Variants in RASAL2 observed in about 807,000 individuals in gnomAD.
RASAL2 encodes RAS protein activator like 2, also known as ras GTPase-activating protein nGAP.
A neutral mutation model predicts 128.9 loss-of-function variants in RASAL2; 58 were observed. The ratio of observed to expected loss-of-function variants is 0.45; its 90% CI spans 0.36 to 0.56. The LOEUF (loss-of-function observed/expected upper bound fraction) is 0.56. Among genes scored for constraint, RASAL2 ranks in the 20% least tolerant of loss-of-function variants. The pLI, the probability that RASAL2 is intolerant of heterozygous loss-of-function variation, is 0.00. For missense variants in RASAL2, 1,360 were observed against 1,601.6 expected (o/e 0.85, Z 2.57); for synonymous variants, 561 against 580.8 (o/e 0.97, Z 0.49).
intron 3 of RASAL2, among the ~76,000 whole-genome samples, chr1:178,320,517 C>T (rs1478814142): frequency 6.6e-6 from 1 of 151,726 alleles, no homozygotes; most frequent in East Asian, 1.9e-4. Flanking sequence ...TTAAGCCGGT[C>T]TGAAAAGCGC....
chr1:178,371,767 C>A (rs1671730766), intron 3 of RASAL2, among the ~76,000 whole-genome samples: 1 of 152,138 alleles, frequency 6.6e-6, no homozygotes, highest in Non-Finnish European at 1.5e-5. Context: ...TGAATTTGTT[C>A]TTTTGTCTTT....
intron 3 of RASAL2, among the ~76,000 whole-genome samples, chr1:178,340,383 CATA>C (rs1669807973): frequency 6.6e-6 from 1 of 151,984 alleles, no homozygotes; most frequent in South Asian, 2.1e-4. Context: ...TGAGCACCTG[CATA>C]ATATGTTAGG....
intron 1 of RASAL2, among the ~76,000 whole-genome samples, chr1:178,252,369 G>A (rs951944977): frequency 6.6e-6 from 1 of 152,098 alleles, no homozygotes; most frequent in Admixed American, 6.5e-5. Context: ...AATAGGAGGA[G>A]ATGTAATCTA....
In RASAL2 at chr1:178,375,971, T is replaced by A. The variant is rs528025533; in HGVS notation, c.458-14129T>A. The stretch of plus-strand genomic sequence containing the variant: ...TGTTGATATTCTAAGCATCTGTAGG[T>A]CATCTGCTATCAAGAGCTTGTCAAG... On this transcript the variant is annotated intron_variant, in intron 3 of 17. Coordinates refer to ENST00000367649, the MANE Select transcript of RASAL2 (RefSeq NM_170692.4). Among the ~76,000 whole-genome samples, 15 of 152,174 alleles carry A rather than the reference T, an allele frequency of 9.9e-5. No homozygotes were observed. In the South Asian group the frequency reaches 2.7e-3, roughly 27 times the overall value.
At chr1:178,406,251 G>A (rs960626490) in intron 4 of RASAL2, among the ~76,000 whole-genome samples, 1 of 152,230 alleles carries the variant, frequency 6.6e-6, no homozygotes, top group Non-Finnish European at 1.5e-5. Flanking sequence ...TACCCATACA[G>A]TGGAATAAAA....
chr1:178,167,748 T>A (rs1462419475), intron 1 of RASAL2, among the ~76,000 whole-genome samples: 1 of 152,112 alleles, frequency 6.6e-6, no homozygotes, highest in Non-Finnish European at 1.5e-5. Context: ...TTTTTAAATT[T>A]CTATGCTACA....
chr1:178,358,252 A>G (rs1210635597), intron 3 of RASAL2, among the ~76,000 whole-genome samples: 7 of 150,342 alleles, frequency 4.7e-5, no homozygotes, highest in Non-Finnish European at 8.9e-5. Context: ...AAAAAAAAAA[A>G]AAAAAAAAAA....
Position 178,477,966 on chromosome 1 carries a change from T to A in RASAL2, c.*4727T>A, listed in dbSNP as rs1648793295. The A allele has an allele frequency of 6.6e-6, 1 of 152,216 alleles. No individual in the cohort carries two copies. Among genetic ancestry groups the A allele is most frequent in the Non-Finnish European group, 1.5e-5 (1 of 68,038 alleles). 9.4% of individuals were successfully genotyped at this position (152,216 alleles called of 1,614,324 possible). Reference sequence around the variant, plus strand: ...GAGAGTAGGATCCAGAAATAAGTAGTTTCAGTTCCTGATCAGTTAAGCCTC... The same window carrying A: ...GAGAGTAGGATCCAGAAATAAGTAGATTCAGTTCCTGATCAGTTAAGCCTC... On this transcript the variant is annotated 3_prime_UTR_variant, in exon 18 of 18. Transcript: ENST00000367649.
chr1:178,318,783 G>C (rs1205693096), intron 3 of RASAL2, among the ~76,000 whole-genome samples: 1 of 151,958 alleles, frequency 6.6e-6, no homozygotes, highest in East Asian at 1.9e-4. Flanking sequence ...GGAGCATTTA[G>C]TCCATTTATA....
intron 1 of RASAL2, among the ~76,000 whole-genome samples, chr1:178,227,270 G>A (rs141890907): frequency 6.6e-6 from 1 of 151,480 alleles, no homozygotes; most frequent in Non-Finnish European, 1.5e-5. Context: ...ACAGTTTAGC[G>A]TCTTGTCTTA....
At chr1:178,390,921 C>A (rs1025392574) in intron 4 of RASAL2, among the ~76,000 whole-genome samples, 1 of 151,858 alleles carries the variant, frequency 6.6e-6, no homozygotes, top group East Asian at 1.9e-4. Flanking sequence ...AGAGCTGGAA[C>A]ATAAGCAGAG....
At chr1:178,306,846 A>G (rs1668012748) in intron 3 of RASAL2, among the ~76,000 whole-genome samples, 1 of 117,122 alleles carries the variant, frequency 8.5e-6, no homozygotes, top group Non-Finnish European at 1.6e-5. Context: ...GGGGAACATC[A>G]CACTCTGGGG....
At chr1:178,351,950 T>A (rs1670535331) in intron 3 of RASAL2, among the ~76,000 whole-genome samples, 1 of 152,214 alleles carries the variant, frequency 6.6e-6, no homozygotes, top group African/African-American at 2.4e-5. Flanking sequence ...CAAATCTGAC[T>A]GATTTTCAGT....
chr1:178,202,055 G>A (rs187094278), intron 1 of RASAL2, among the ~76,000 whole-genome samples: 16 of 152,294 alleles, frequency 1.1e-4, no homozygotes, highest in Non-Finnish European at 1.9e-4. Flanking sequence ...AGACATTTCC[G>A]GGACCATTGG....
intron 1 of RASAL2, among the ~76,000 whole-genome samples, chr1:178,111,833 G>A (rs1030479497): frequency 2.0e-5 from 3 of 152,084 alleles, no homozygotes; most frequent in Non-Finnish European, 2.9e-5. Flanking sequence ...GGGTTCAAGC[G>A]ATTCTCCCAC....
intron 4 of RASAL2, among the ~76,000 whole-genome samples, chr1:178,413,833 G>C (rs779265898): frequency 2.6e-5 from 4 of 152,072 alleles, no homozygotes; most frequent in Non-Finnish European, 5.9e-5. Flanking sequence ...GAACCAAAAG[G>C]GAATGCTGGA....
At chr1:178,274,765 C>CT (rs1444018067) in intron 1 of RASAL2, among the ~76,000 whole-genome samples, 8 of 151,910 alleles carry the variant, frequency 5.3e-5, no homozygotes, top group Admixed American at 4.6e-4. Flanking sequence ...TTTTTGTACT[C>CT]TTTTTGTAGA....
At chr1:178,383,469 T>G (rs1170479226) in intron 3 of RASAL2, among the ~76,000 whole-genome samples, 2 of 152,208 alleles carry the variant, frequency 1.3e-5, no homozygotes, top group African/African-American at 4.8e-5. Context: ...GTATGTGATT[T>G]TTCTTCTCTT....
chr1:178,262,018 A>G (rs1449319326), intron 1 of RASAL2, among the ~76,000 whole-genome samples: 1 of 151,952 alleles, frequency 6.6e-6, no homozygotes, highest in Non-Finnish European at 1.5e-5. Context: ...GAGTCTCTCT[A>G]TTAGGGGCCT....
Sources: allele counts gnomAD v4.1 joint callset (sites outside exome capture counted in the v4.1 genomes callset), GRCh38; gene constraint gnomAD v4.1.1; transcripts MANE v1.5; gene names NCBI Gene and HGNC (gene_info 2026-07-23, HGNC 2026-07-21).